Variants in TAFA1 observed in about 807,000 individuals in gnomAD.
The protein encoded by TAFA1 is TAFA chemokine like family member 1, also known as chemokine-like protein TAFA-1.
A neutral mutation model predicts 18.5 loss-of-function variants in TAFA1; 4 were observed. The ratio of observed to expected loss-of-function variants is 0.22; its 90% CI spans 0.11 to 0.49. The LOEUF (loss-of-function observed/expected upper bound fraction) is 0.49. Among genes scored for constraint, TAFA1 ranks in the 20% least tolerant of loss-of-function variants. TAFA1 has a pLI of 0.98. For synonymous variants in TAFA1, 56 were observed against 55.2 expected (o/e 1.01, Z -0.06); for missense variants, 147 against 169.0 (o/e 0.87, Z 0.72).
At chr3:68,414,471 C>A (rs1030054445) in intron 2 of TAFA1, among the ~76,000 whole-genome samples, 2 of 152,122 alleles carry the variant, frequency 1.3e-5, no homozygotes, top group Non-Finnish European at 2.9e-5. Context: ...ATGCAAAAAG[C>A]CTGAGTTTTG....
At chr3:68,104,552 T>A (rs992239237) in intron 2 of TAFA1, among the ~76,000 whole-genome samples, 4 of 152,098 alleles carry the variant, frequency 2.6e-5, no homozygotes, top group African/African-American at 9.7e-5. Context: ...TCAAATGAAT[T>A]TTCTCTTTTT....
chr3:68,525,366 C>T (rs552191812), intron 3 of TAFA1, among the ~76,000 whole-genome samples: 1 of 152,152 alleles, frequency 6.6e-6, no homozygotes, highest in Admixed American at 6.5e-5. Flanking sequence ...CTTTAAAACT[C>T]ATAGGTGAAG....
At chr3:67,998,671 G>A in the TAFA1 span, among the ~76,000 whole-genome samples, 1 of 152,208 alleles carries the variant, frequency 6.6e-6, no homozygotes, top group Non-Finnish European at 1.5e-5. Context: ...ACATAGCCCA[G>A]GCAGCCATTG....
chr3:68,280,661 T>G (rs1024313060), intron 2 of TAFA1, among the ~76,000 whole-genome samples: 2 of 152,138 alleles, frequency 1.3e-5, no homozygotes, highest in Admixed American at 1.3e-4. Flanking sequence ...TAGAAAGATT[T>G]TAATTTGAAG....
intron 2 of TAFA1, among the ~76,000 whole-genome samples, chr3:68,238,563 T>C (rs546344570): frequency 6.6e-6 from 1 of 152,162 alleles, no homozygotes; most frequent in Non-Finnish European, 1.5e-5. Flanking sequence ...TTCCTGATGA[T>C]GACAACTTGG....
intron 2 of TAFA1, among the ~76,000 whole-genome samples, chr3:68,414,387 T>TAA (rs1270013742): frequency 2.6e-5 from 4 of 152,102 alleles, no homozygotes; most frequent in Non-Finnish European, 5.9e-5. Context: ...TTAACCTTGG[T>TAA]AACCTTTCTA....
chr3:68,244,956 A>G (rs2067047508), intron 2 of TAFA1, among the ~76,000 whole-genome samples: 1 of 152,222 alleles, frequency 6.6e-6, no homozygotes, highest in Non-Finnish European at 1.5e-5. Context: ...CTAACTTGAA[A>G]GCCTATAATA....
At chr3:68,171,802 GA>G (rs370430806) in intron 2 of TAFA1, among the ~76,000 whole-genome samples, 3 of 150,220 alleles carry the variant, frequency 2.0e-5, no homozygotes, top group Non-Finnish European at 4.4e-5. Context: ...AAACTGTAAT[GA>G]AAAAAAAATC....
chr3:68,278,391 G>T (rs182333728), intron 2 of TAFA1, among the ~76,000 whole-genome samples: 2 of 152,096 alleles, frequency 1.3e-5, no homozygotes, highest in East Asian at 1.9e-4. Context: ...CCAATATATT[G>T]CCACACTTGT....
chr3:68,186,367 C>T (rs1485718978), intron 2 of TAFA1, among the ~76,000 whole-genome samples: 2 of 152,032 alleles, frequency 1.3e-5, no homozygotes, highest in Non-Finnish European at 2.9e-5. Context: ...TTGAAAATGC[C>T]TCCGAGTTCC....
At chr3:68,216,865 T>G (rs2107081387) in intron 2 of TAFA1, among the ~76,000 whole-genome samples, 1 of 152,230 alleles carries the variant, frequency 6.6e-6, no homozygotes, top group East Asian at 1.9e-4. Context: ...GATATGGGAT[T>G]ATAAGCCAAA....
At chr3:68,155,148 C>A (rs925425891) in intron 2 of TAFA1, among the ~76,000 whole-genome samples, 3 of 152,112 alleles carry the variant, frequency 2.0e-5, no homozygotes, top group African/African-American at 7.2e-5. Context: ...TATTACTCAT[C>A]TCTGGGCATA....
chr3:68,360,745 A>G (rs981358791), intron 2 of TAFA1, among the ~76,000 whole-genome samples: 6 of 152,034 alleles, frequency 3.9e-5, no homozygotes, highest in Non-Finnish European at 7.4e-5. Context: ...ACTGAGTCAT[A>G]TGGAAATGCT....
At chr3:68,324,161 A>G (rs1575777403) in intron 2 of TAFA1, among the ~76,000 whole-genome samples, 1 of 146,806 alleles carries the variant, frequency 6.8e-6, no homozygotes, top group Non-Finnish European at 1.5e-5. Flanking sequence ...TAAGGATAAT[A>G]TAGACTTTTT....
chr3:68,104,507 T>A (rs926805056), intron 2 of TAFA1, among the ~76,000 whole-genome samples: 1 of 152,082 alleles, frequency 6.6e-6, no homozygotes, highest in Non-Finnish European at 1.5e-5. Context: ...GAATATATTG[T>A]CATTAAATTT....
At chr3:68,136,287 G>A (rs1444608038) in intron 2 of TAFA1, among the ~76,000 whole-genome samples, 5 of 152,090 alleles carry the variant, frequency 3.3e-5, no homozygotes, top group Non-Finnish European at 5.9e-5. Flanking sequence ...GAGGAGAAAA[G>A]GCTTTCAACA....
chr3:68,423,899 C>T (rs2071006823), intron 3 of TAFA1, among the ~76,000 whole-genome samples: 1 of 151,924 alleles, frequency 6.6e-6, no homozygotes, highest in African/African-American at 2.4e-5. Context: ...AGTCTTTCTT[C>T]TCATTCCATG....
intron 2 of TAFA1, among the ~76,000 whole-genome samples, chr3:68,296,716 G>A (rs1044646752): frequency 2.6e-5 from 4 of 152,052 alleles, no homozygotes; most frequent in African/African-American, 9.7e-5. Flanking sequence ...ATTAATATAC[G>A]TAATAATTAT....
chr3:68,386,205 TTA>T (rs2106692443), intron 2 of TAFA1, among the ~76,000 whole-genome samples: 1 of 152,270 alleles, frequency 6.6e-6, no homozygotes, highest in East Asian at 1.9e-4. Context: ...TCCTTATTTT[TTA>T]TATGAGGAAA....
Sources: allele counts gnomAD v4.1 joint callset (sites outside exome capture counted in the v4.1 genomes callset), GRCh38; gene constraint gnomAD v4.1.1; transcripts MANE v1.5; gene names NCBI Gene and HGNC (gene_info 2026-07-23, HGNC 2026-07-21).